The following GPR39 variants were observed in gnomAD, a reference collection of about 807,000 sequenced individuals.
GPR39 encodes G protein-coupled receptor 39.
GPR39 carries 23 observed loss-of-function variants against 18.4 expected under a neutral mutation model. The ratio of observed to expected loss-of-function variants is 1.25; its 90% CI spans 0.90 to 1.77. GPR39 has a LOEUF of 1.77. Ranked by LOEUF, GPR39 falls within the 40% of genes most tolerant of loss-of-function variation. The probability of loss-of-function intolerance (pLI) is 0.00; values close to 1 mark genes in which losing one functional copy is unlikely to be tolerated. For missense variants in GPR39, 647 were observed against 602.4 expected (o/e 1.07, Z -0.78); for synonymous variants, 280 against 257.9 (o/e 1.09, Z -0.82).
At chr2:132,420,879 A>G (rs1239042583) in intron 1 of GPR39, among the ~76,000 whole-genome samples, 1 of 152,340 alleles carries the variant, frequency 6.6e-6, no homozygotes. Context: ...TGGGATACCT[A>G]CTAGCTCTCA....
At chr2:132,610,020 A>G (rs563867750) in intron 1 of GPR39, among the ~76,000 whole-genome samples, 1 of 151,958 alleles carries the variant, frequency 6.6e-6, no homozygotes, top group African/African-American at 2.4e-5. Flanking sequence ...CTCAGTTTAG[A>G]CATTCCTTAC....
intron 1 of GPR39, among the ~76,000 whole-genome samples, chr2:132,561,289 C>T (rs981772831): frequency 1.3e-5 from 2 of 152,120 alleles, no homozygotes; most frequent in African/African-American, 4.8e-5. Flanking sequence ...GGGTCCCACT[C>T]CAGGTGAATC....
At chr2:132,522,460 T>C (rs549926477) in intron 1 of GPR39, among the ~76,000 whole-genome samples, 4 of 152,372 alleles carry the variant, frequency 2.6e-5, no homozygotes, top group African/African-American at 7.2e-5. Context: ...AAGCCAAATG[T>C]ATTCTCTGTG....
At chr2:132,631,824 C>CTT (rs796381645) in intron 1 of GPR39, among the ~76,000 whole-genome samples, 25 of 141,860 alleles carry the variant, frequency 1.8e-4, no homozygotes, top group African/African-American at 4.4e-4. Context: ...TCTTCTTCTT[C>CTT]TTTTTTTTTT....
At chr2:132,627,884 G>T (rs191560318) in intron 1 of GPR39, among the ~76,000 whole-genome samples, 71 of 152,298 alleles carry the variant, frequency 4.7e-4, no homozygotes, top group Non-Finnish European at 7.8e-4. Flanking sequence ...AGCTTGGCAG[G>T]GTTGGGAAAA....
intron 1 of GPR39, among the ~76,000 whole-genome samples, chr2:132,437,314 A>T (rs903096209): frequency 6.6e-6 from 1 of 152,208 alleles, no homozygotes; most frequent in African/African-American, 2.4e-5. Flanking sequence ...GAAGCCAGTA[A>T]ACTGAGTTTA....
chr2:132,432,397 AT>A (rs913496109), intron 1 of GPR39, among the ~76,000 whole-genome samples: 15 of 152,310 alleles, frequency 9.8e-5, no homozygotes, highest in African/African-American at 3.1e-4. Flanking sequence ...ATACCATCAC[AT>A]TGGTGACTAG....
rs140706764 is a variant in GPR39 at position 132,533,179 on chromosome 2, G to C, written c.857-111922G>C. 3.4e-3 allele frequency among the ~76,000 whole-genome samples: 515 copies of C among 152,078 alleles called. 3 individuals carry two copies. The highest frequency in any genetic ancestry group is 0.011 in the African/African-American group (448 of 41,444). On this transcript the variant is annotated intron_variant, in intron 1 of 1. Transcript: ENST00000329321. ...ACGCAAAATCAATGTGCAAAAATCA[G>C]AAGCATTCTTATACACCAACAACAG... is the stretch of plus-strand genomic sequence containing the variant.
intron 1 of GPR39, among the ~76,000 whole-genome samples, chr2:132,567,402 T>C (rs184965829): frequency 6.6e-6 from 1 of 152,274 alleles, no homozygotes; most frequent in Non-Finnish European, 1.5e-5. Flanking sequence ...CATGGATGAA[T>C]GGGTTAATGG....
At chr2:132,483,087 C>A (rs189304482) in intron 1 of GPR39, among the ~76,000 whole-genome samples, 1 of 152,102 alleles carries the variant, frequency 6.6e-6, no homozygotes, top group East Asian at 1.9e-4. Context: ...TTTCTTAAGC[C>A]CTTTGTGAGT....
At chr2:132,473,140 C>T (rs1681064115) in intron 1 of GPR39, among the ~76,000 whole-genome samples, 1 of 152,140 alleles carries the variant, frequency 6.6e-6, no homozygotes, top group Non-Finnish European at 1.5e-5. Context: ...GTAAACACTG[C>T]CTTAAAATTC....
intron 1 of GPR39, among the ~76,000 whole-genome samples, chr2:132,439,149 C>T (rs1219214090): frequency 6.6e-6 from 1 of 152,142 alleles, no homozygotes; most frequent in Admixed American, 6.5e-5. Context: ...TCGTAACAAG[C>T]ATTAGATGTG....
chr2:132,579,193 T>C (rs1680583499), intron 1 of GPR39, among the ~76,000 whole-genome samples: 2 of 151,978 alleles, frequency 1.3e-5, no homozygotes, highest in Admixed American at 1.3e-4. Context: ...ATCAGTGTAT[T>C]TTTAACATTC....
chr2:132,546,657 C>G (rs1394275756), intron 1 of GPR39, among the ~76,000 whole-genome samples: 1 of 151,606 alleles, frequency 6.6e-6, no homozygotes, highest in Non-Finnish European at 1.5e-5. Context: ...TCTGATTATG[C>G]CACATTCTAG....
At chr2:132,543,327 C>T (rs1450547307) in intron 1 of GPR39, among the ~76,000 whole-genome samples, 1 of 152,154 alleles carries the variant, frequency 6.6e-6, no homozygotes, top group African/African-American at 2.4e-5. Context: ...ATTTACTTCC[C>T]TTACCGTGTA....
At chr2:132,552,927 C>T (rs1291415876) in intron 1 of GPR39, among the ~76,000 whole-genome samples, 1 of 138,526 alleles carries the variant, frequency 7.2e-6, no homozygotes, top group Admixed American at 7.2e-5. Flanking sequence ...TACACACACA[C>T]ACACACATAT....
intron 1 of GPR39, among the ~76,000 whole-genome samples, chr2:132,457,788 C>G (rs1358799640): frequency 6.6e-6 from 1 of 152,220 alleles, no homozygotes; most frequent in African/African-American, 2.4e-5. Flanking sequence ...TGGGCTCCGC[C>G]CAGTTTGAGC....
chr2:132,608,101 A>G (rs1288961707), intron 1 of GPR39, among the ~76,000 whole-genome samples: 2 of 152,244 alleles, frequency 1.3e-5, no homozygotes, highest in Non-Finnish European at 2.9e-5. Flanking sequence ...GGGCAAAGAA[A>G]AAAGAAAAAA....
intron 1 of GPR39, among the ~76,000 whole-genome samples, chr2:132,607,580 C>A (rs959863890): frequency 6.6e-6 from 1 of 152,116 alleles, no homozygotes; most frequent in African/African-American, 2.4e-5. Context: ...TTATCTTTGA[C>A]GTCTGACACC....
Sources: gnomAD v4.1 joint callset for allele counts (sites outside exome capture counted in the v4.1 genomes callset) on GRCh38, gnomAD v4.1.1 for gene constraint, MANE v1.5 for transcripts, NCBI Gene and HGNC (gene_info 2026-07-23, HGNC 2026-07-21) for gene names.